INSL6: variants seen among roughly 807,000 people sequenced by gnomAD.
INSL6 encodes insulin like 6, also known as insulin-like peptide INSL6.
A neutral mutation model predicts 9.4 loss-of-function variants in INSL6; 16 were observed. The ratio of observed to expected loss-of-function variants is 1.70; its 90% confidence interval spans 1.15 to 2.59. The LOEUF (loss-of-function observed/expected upper bound fraction) is 2.59, where lower values mean the gene tolerates loss of function less well. Among genes scored for constraint, INSL6 ranks in the 30% most tolerant of loss-of-function variants. INSL6 has a pLI of 0.00. For synonymous variants in INSL6, 154 were observed against 96.9 expected, an observed-to-expected ratio of 1.59 and a Z score of -3.46; for missense variants, 391 against 257.3, an observed-to-expected ratio of 1.52 and a Z score of -3.56.
At chr9:5,026,265 A>G in the INSL6 span, among the ~76,000 whole-genome samples, 1 of 152,312 alleles carries the variant, frequency 6.6e-6, no homozygotes, top group East Asian at 1.9e-4. Flanking sequence ...TGATATTGGT[A>G]ATCATTATTC....
the INSL6 span, among the ~76,000 whole-genome samples, chr9:5,060,516 C>G: frequency 6.6e-6 from 1 of 152,210 alleles, no homozygotes; most frequent in Non-Finnish European, 1.5e-5. Flanking sequence ...TAGATTCCAT[C>G]TCAAGAAACC....
At chr9:4,993,298 C>G in the INSL6 span, among the ~76,000 whole-genome samples, 1 of 152,166 alleles carries the variant, frequency 6.6e-6, no homozygotes, top group Non-Finnish European at 1.5e-5. Context: ...AAGAAAGGAT[C>G]TTATAATCAC....
At chr9:5,029,693 G>T in the INSL6 span, 2 of 1,198,674 alleles carry the variant, frequency 1.7e-6, no homozygotes, top group Non-Finnish European at 2.3e-6. Context: ...TTTAAGAGTT[G>T]TTACTTTAGC....
chr9:5,059,971 T>C, the INSL6 span, among the ~76,000 whole-genome samples: 2 of 152,200 alleles, frequency 1.3e-5, no homozygotes, highest in East Asian at 1.9e-4. Context: ...TATATAGACA[T>C]ACGTCAGAGA....
the INSL6 span, chr9:5,109,973 A>G: frequency 6.6e-6 from 1 of 152,176 alleles, no homozygotes; most frequent in South Asian, 2.1e-4. Flanking sequence ...CAGCCCTCCA[A>G]GCAGTCCTGC....
chr9:5,132,307 G>C (rs925283950), intron 3 of INSL6, among the ~76,000 whole-genome samples: 2 of 151,996 alleles, frequency 1.3e-5, no homozygotes, highest in African/African-American at 4.8e-5. Flanking sequence ...CATGGTGCTA[G>C]GAAAAAAGAA....
chr9:5,004,957 C>T, the INSL6 span, among the ~76,000 whole-genome samples: 1 of 147,314 alleles, frequency 6.8e-6, no homozygotes, highest in Non-Finnish European at 1.5e-5. Context: ...TGCTCTGTTG[C>T]CTAGGCTGAA....
Position 5,126,742 on chromosome 9 carries a change from G to C in INSL6, c.*11-2231C>G. On this transcript the variant is annotated intron_variant, in intron 3 of 3. Coordinates refer to the INSL6 transcript ENST00000649639. ...AATGTAAATCAACGCCCCTCCTTTA[G>C]GGATCTAGCTCTTCGAGTGGATCAA... 1.2e-6 allele frequency: 2 copies of C among 1,611,054 alleles called. No individual in the cohort carries two copies. The highest frequency in any genetic ancestry group is 1.7e-6 in the Non-Finnish European group (2 of 1,177,752).
At chr9:5,147,091 G>A (rs544598026) in intron 2 of INSL6, among the ~76,000 whole-genome samples, 82 of 152,274 alleles carry the variant, frequency 5.4e-4, no homozygotes, top group African/African-American at 1.9e-3. Flanking sequence ...GGTCATCTCT[G>A]GCCACATTCT....
chr9:5,111,166 G>A, the INSL6 span: 15 of 760,152 alleles, frequency 2.0e-5, no homozygotes, highest in Admixed American at 2.1e-4. Flanking sequence ...TGAGTCGCAC[G>A]GCAGCCACTC....
the INSL6 span, chr9:5,114,932 A>AAAAC: frequency 7.4e-3 from 1,320 of 178,380 alleles, 9 homozygotes; most frequent in Admixed American, 0.019. Flanking sequence ...GCCTGCTCAG[A>AAAAC]AAACAAACAA....
At chr9:5,103,153 T>TCATGTGCA in the INSL6 span, among the ~76,000 whole-genome samples, 3 of 130,214 alleles carry the variant, frequency 2.3e-5, no homozygotes, top group Admixed American at 1.8e-4. Context: ...GAGACCAATC[T>TCATGTGCA]CATGTGCAGA....
chr9:5,027,163 T>A, the INSL6 span, among the ~76,000 whole-genome samples: 1 of 152,232 alleles, frequency 6.6e-6, no homozygotes, highest in South Asian at 2.1e-4. Flanking sequence ...TTTAAAAATA[T>A]CTGCTTGAAA....
the INSL6 span, chr9:5,085,367 T>C: frequency 1.1e-6 from 1 of 904,520 alleles, no homozygotes; most frequent in Non-Finnish European, 1.8e-6. Flanking sequence ...TGATAGGTGA[T>C]CTCATGCACC....
the INSL6 span, among the ~76,000 whole-genome samples, chr9:5,045,091 CTA>C: frequency 6.6e-6 from 1 of 152,250 alleles, no homozygotes; most frequent in Non-Finnish European, 1.5e-5. Flanking sequence ...GCTTTCTTCT[CTA>C]TTACCTTGAT....
chr9:4,997,528 T>C, the INSL6 span, among the ~76,000 whole-genome samples: 1 of 152,138 alleles, frequency 6.6e-6, no homozygotes, highest in Non-Finnish European at 1.5e-5. Flanking sequence ...GGGATGTTGC[T>C]AAACCATTCA....
At chr9:5,182,918 G>A (rs1394516566) in intron 1 of INSL6, among the ~76,000 whole-genome samples, 2 of 152,134 alleles carry the variant, frequency 1.3e-5, no homozygotes, top group Non-Finnish European at 2.9e-5. Flanking sequence ...TTCAAGATAT[G>A]TATAAGTAGC....
intron 2 of INSL6, among the ~76,000 whole-genome samples, chr9:5,156,285 A>G (rs72701653): frequency 0.045 from 6,892 of 152,310 alleles, 238 homozygotes; most frequent in Admixed American, 0.068. Context: ...ATATAATCCT[A>G]AACAGATTCT....
At chr9:5,130,891 G>A (rs1824264189) in intron 3 of INSL6, among the ~76,000 whole-genome samples, 1 of 150,434 alleles carries the variant, frequency 6.6e-6, no homozygotes, top group South Asian at 2.1e-4. Flanking sequence ...ACTACACCCG[G>A]CTAATTTTTT....
Sources: gnomAD v4.1 joint callset for allele counts (sites outside exome capture counted in the v4.1 genomes callset) on GRCh38, gnomAD v4.1.1 for gene constraint, MANE v1.5 for transcripts, NCBI Gene and HGNC (gene_info 2026-07-23, HGNC 2026-07-21) for gene names.